Variants in SH3BGRL2 observed in about 807,000 individuals in gnomAD.
The protein encoded by SH3BGRL2 is SH3 domain binding glutamate rich protein like 2.
Under a neutral mutation model 14.8 loss-of-function variants are expected in SH3BGRL2, and 21 were observed. That is an observed-to-expected ratio of 1.42 (90% CI 1.01 to 2.05). The LOEUF is 2.05. SH3BGRL2 is among the 30% of genes most tolerant of loss of function. The probability of loss-of-function intolerance (pLI) is 0.00; values close to 1 mark genes in which losing one functional copy is unlikely to be tolerated. For synonymous variants in SH3BGRL2, 50 were observed against 47.8 expected, an observed-to-expected ratio of 1.05 and a Z score of -0.19; for missense variants, 147 against 130.8, an observed-to-expected ratio of 1.12 and a Z score of -0.61.
chr6:79,643,146 T>TCTTA (rs1318233949), intron 1 of SH3BGRL2, among the ~76,000 whole-genome samples: 6 of 152,210 alleles, frequency 3.9e-5, no homozygotes, highest in African/African-American at 1.4e-4. Context: ...AACTATGATT[T>TCTTA]CTTATACTCA....
intron 1 of SH3BGRL2, among the ~76,000 whole-genome samples, chr6:79,657,995 A>C (rs1293080795): frequency 6.6e-6 from 1 of 152,174 alleles, no homozygotes; most frequent in Admixed American, 6.5e-5. Context: ...ATTCAAGTTA[A>C]TAGGAAGAAG....
At position 79,702,575 on chromosome 6, in the gene SH3BGRL2, G is replaced by C. The variant is rs567372852; in HGVS notation, c.*3066G>C. ...CCTCTCTTAATTTTAGTTCTGTTTA[G>C]TTGAGAGGCTGTGATTTTACTCTTG... On this transcript the variant is annotated 3_prime_UTR_variant, in exon 4 of 4. Coordinates refer to ENST00000369838, the MANE Select transcript of SH3BGRL2 (RefSeq NM_031469.4). 6.6e-6 allele frequency: 1 copy of C among 152,212 alleles called. No homozygotes were observed. Among genetic ancestry groups the C allele is most frequent in the Non-Finnish European group, 1.5e-5 (1 of 68,036 alleles). 9.4% of individuals were successfully genotyped at this position (152,212 alleles called of 1,614,324 possible).
At chr6:79,547,607 C>T in the SH3BGRL2 span, among the ~76,000 whole-genome samples, 44 of 152,118 alleles carry the variant, frequency 2.9e-4, no homozygotes, top group African/African-American at 5.3e-4. Flanking sequence ...AACATTAGTC[C>T]GTTCTGGCTT....
intron 1 of SH3BGRL2, among the ~76,000 whole-genome samples, chr6:79,647,298 GT>G (rs560125250): frequency 2.0e-5 from 3 of 149,402 alleles, no homozygotes; most frequent in Admixed American, 6.7e-5. Context: ...TAATAATGTT[GT>G]TTTTTTTTAA....
chr6:79,651,419 A>G (rs1769292441), intron 1 of SH3BGRL2, among the ~76,000 whole-genome samples: 1 of 152,202 alleles, frequency 6.6e-6, no homozygotes, highest in Non-Finnish European at 1.5e-5. Context: ...TACAATCTTG[A>G]CAGGAAATGT....
chr6:79,541,517 G>A, the SH3BGRL2 span, among the ~76,000 whole-genome samples: 1 of 151,996 alleles, frequency 6.6e-6, no homozygotes, highest in African/African-American at 2.4e-5. Context: ...TCCCTTCCAG[G>A]TATGGCCACC....
rs181741078 is a variant in SH3BGRL2, at chr6:79,686,631, G to A, written c.232-9854G>A. 3.6e-3 allele frequency among the ~76,000 whole-genome samples: 543 copies of A among 151,974 alleles called. 10 individuals are homozygous for A. Among genetic ancestry groups the A allele is most frequent in the Non-Finnish European group, 3.2e-3 (215 of 67,974 alleles). On this transcript the variant is annotated intron_variant, in intron 2 of 3. Transcript: ENST00000369838. ...AAAAATAGTGGCTTGTTCTTGTTTCGTGGATGCAGCATTTTCTTTAATCTC... is the reference window on the plus strand; with the variant it reads ...AAAAATAGTGGCTTGTTCTTGTTTCATGGATGCAGCATTTTCTTTAATCTC...
chr6:79,651,745 A>G lies in SH3BGRL2; in HGVS notation c.45+20239A>G, dbSNP rs150637675. On this transcript the variant is annotated intron_variant, in intron 1 of 3. Transcript: ENST00000369838. ...CAGGGAAAGAGGCACAGACACATGC[A>G]ACTGTTATTAAACAGTGCAAGGCTG... 1.7e-3 allele frequency among the ~76,000 whole-genome samples: 263 copies of G among 152,164 alleles called. 3 individuals are homozygous for G. The East Asian group carries it at 0.02, about 12-fold the overall frequency.
At chr6:79,544,812 G>A in the SH3BGRL2 span, among the ~76,000 whole-genome samples, 396 of 152,212 alleles carry the variant, frequency 2.6e-3, 3 homozygotes, top group Non-Finnish European at 4.1e-3. Context: ...TCTTTAAGTT[G>A]TTATTTGGAG....
intron 1 of SH3BGRL2, among the ~76,000 whole-genome samples, chr6:79,642,428 C>A (rs1769051031): frequency 6.6e-6 from 1 of 151,864 alleles, no homozygotes; most frequent in Non-Finnish European, 1.5e-5. Context: ...TTTTTTAGAG[C>A]CCTGGCTTGA....
the SH3BGRL2 span, among the ~76,000 whole-genome samples, chr6:79,614,721 C>G: frequency 6.6e-6 from 1 of 152,120 alleles, no homozygotes. Flanking sequence ...CTGATTCAAG[C>G]TGAGACAAAC....
intron 2 of SH3BGRL2, among the ~76,000 whole-genome samples, chr6:79,676,710 G>A (rs72905781): frequency 0.011 from 1,647 of 151,682 alleles, 15 homozygotes; most frequent in Non-Finnish European, 0.015. Context: ...AGGTAGAGAC[G>A]TCTTTGTTCT....
chr6:79,665,438 G>A (rs938065503), intron 1 of SH3BGRL2, among the ~76,000 whole-genome samples: 1 of 152,052 alleles, frequency 6.6e-6, no homozygotes, highest in African/African-American at 2.4e-5. Context: ...TTCTAAATGT[G>A]GGCTCCCTGG....
the SH3BGRL2 span, among the ~76,000 whole-genome samples, chr6:79,599,065 G>C: frequency 7.6e-6 from 1 of 131,352 alleles, no homozygotes; most frequent in Non-Finnish European, 1.6e-5. Flanking sequence ...TGGGCAACAA[G>C]AGCAAAACTC....
chr6:79,671,920 C>T (rs150821294), intron 1 of SH3BGRL2, among the ~76,000 whole-genome samples: 5 of 152,350 alleles, frequency 3.3e-5, no homozygotes, highest in East Asian at 3.9e-4. Flanking sequence ...CTTCCTTCTA[C>T]GGATTAACTT....
the SH3BGRL2 span, among the ~76,000 whole-genome samples, chr6:79,542,367 G>A: frequency 6.6e-6 from 1 of 151,748 alleles, no homozygotes; most frequent in Non-Finnish European, 1.5e-5. Context: ...CTGCCTCCTG[G>A]GTTCAAGCAA....
chr6:79,550,663 A>G, the SH3BGRL2 span, among the ~76,000 whole-genome samples: 1 of 152,204 alleles, frequency 6.6e-6, no homozygotes, highest in East Asian at 1.9e-4. Context: ...GGTATTGAGT[A>G]CTTACGTCTA....
intron 1 of SH3BGRL2, among the ~76,000 whole-genome samples, chr6:79,656,442 T>C (rs1582722026): frequency 6.6e-6 from 1 of 152,184 alleles, no homozygotes; most frequent in African/African-American, 2.4e-5. Flanking sequence ...AGGCAATTCC[T>C]AGAGGAAACA....
chr6:79,668,695 G>A (rs1034934007), intron 1 of SH3BGRL2, among the ~76,000 whole-genome samples: 2 of 152,016 alleles, frequency 1.3e-5, no homozygotes, highest in Non-Finnish European at 2.9e-5. Flanking sequence ...ATTTATAAAT[G>A]TATCAACAAT....
Sources: gnomAD v4.1 joint callset for allele counts (sites outside exome capture counted in the v4.1 genomes callset) on GRCh38, gnomAD v4.1.1 for gene constraint, MANE v1.5 for transcripts, NCBI Gene and HGNC (gene_info 2026-07-23, HGNC 2026-07-21) for gene names.